FAM53A: variants seen among roughly 807,000 people sequenced by gnomAD.
FAM53A encodes family with sequence similarity 53 member A, also known as protein FAM53A.
Under a neutral mutation model 26.6 loss-of-function variants are expected in FAM53A, and 28 were observed. The observed-to-expected ratio is 1.05, with a 90% confidence interval of 0.78 to 1.45. The LOEUF is 1.45. Ranked by LOEUF, FAM53A falls within the 40% of genes most tolerant of loss-of-function variation. FAM53A has a pLI of 0.00. For missense variants in FAM53A, 650 were observed against 575.8 expected (o/e 1.13, Z -1.32); for synonymous variants, 290 against 253.1 (o/e 1.15, Z -1.38).
chr4:1,661,457 G>A (rs1713828085), intron 2 of FAM53A, among the ~76,000 whole-genome samples: 1 of 152,180 alleles, frequency 6.6e-6, no homozygotes. Context: ...ACCCAGCACA[G>A]CCAGTGCAGC....
chr4:1,652,544 C>G (rs1456546694), intron 4 of FAM53A, among the ~76,000 whole-genome samples: 1 of 147,122 alleles, frequency 6.8e-6, no homozygotes, highest in Non-Finnish European at 1.5e-5. Context: ...TACACACAGG[C>G]CACACCACAC....
chr4:1,581,894 A>AT, the FAM53A span, among the ~76,000 whole-genome samples: 12,888 of 145,274 alleles, frequency 0.089, 572 homozygotes, highest in South Asian at 0.18. Context: ...CATGCCCAGC[A>AT]TTTTTTTTTT....
At chr4:1,653,720 G>C (rs1295983378) in intron 4 of FAM53A, among the ~76,000 whole-genome samples, 2 of 152,208 alleles carry the variant, frequency 1.3e-5, no homozygotes, top group Non-Finnish European at 2.9e-5. Context: ...AAGCCCCCCG[G>C]AAGAATCAAC....
the FAM53A span, among the ~76,000 whole-genome samples, chr4:1,586,101 T>C: frequency 6.6e-6 from 1 of 152,244 alleles, no homozygotes; most frequent in Non-Finnish European, 1.5e-5. Context: ...TTTATTCATC[T>C]GTCAATGGAT....
intron 4 of FAM53A, chr4:1,644,568 C>A: frequency 2.0e-6 from 1 of 501,972 alleles, no homozygotes; most frequent in Non-Finnish European, 3.4e-6. Context: ...CTCGCGCCCC[C>A]TGTCCCTGGG....
intron 1 of FAM53A, among the ~76,000 whole-genome samples, chr4:1,674,776 C>T (rs780231197): frequency 6.6e-6 from 1 of 152,172 alleles, no homozygotes; most frequent in Non-Finnish European, 1.5e-5. Flanking sequence ...CTGGGGGATG[C>T]GATTCCACAC....
At chr4:1,609,009 G>A in the FAM53A span, among the ~76,000 whole-genome samples, 1 of 152,022 alleles carries the variant, frequency 6.6e-6, no homozygotes, top group Non-Finnish European at 1.5e-5. Context: ...ATGGGATGGC[G>A]GCTGCCGATG....
At chr4:1,619,255 G>T (rs532644924) in intron 1 of FAM53A, among the ~76,000 whole-genome samples, 2 of 152,230 alleles carry the variant, frequency 1.3e-5, no homozygotes, top group Non-Finnish European at 2.9e-5. Flanking sequence ...TGTGGCGAGC[G>T]GCCCCTTACC....
chr4:1,651,099 C>A (rs1324742166), intron 4 of FAM53A, among the ~76,000 whole-genome samples: 1 of 151,504 alleles, frequency 6.6e-6, no homozygotes. Flanking sequence ...CACCTATAAT[C>A]CCAGCTACTC....
intron 4 of FAM53A, among the ~76,000 whole-genome samples, chr4:1,647,190 G>T (rs1340842871): frequency 6.6e-6 from 1 of 152,030 alleles, no homozygotes; most frequent in East Asian, 1.9e-4. Context: ...CAAAAAATTA[G>T]CCAGGCATGG....
the FAM53A span, among the ~76,000 whole-genome samples, chr4:1,585,280 T>G: frequency 5.0e-5 from 2 of 39,902 alleles, no homozygotes; most frequent in African/African-American, 1.5e-4. Context: ...CTCTCTCTTT[T>G]TTTTTTTTTT....
At chr4:1,632,903 G>A (rs760176168) in intron 1 of FAM53A, among the ~76,000 whole-genome samples, 1 of 152,230 alleles carries the variant, frequency 6.6e-6, no homozygotes, top group Non-Finnish European at 1.5e-5. Context: ...TGCAGAAAAT[G>A]TAGGCACACA....
At chr4:1,635,614 A>T (rs1416297535), downstream of FAM53A, among the ~76,000 whole-genome samples, 1 of 152,024 alleles carries the variant, frequency 6.6e-6, no homozygotes, top group African/African-American at 2.4e-5. Context: ...GTCACTGAGG[A>T]CTGTAAATTC....
the FAM53A span, among the ~76,000 whole-genome samples, chr4:1,577,614 G>A: frequency 6.6e-6 from 1 of 152,272 alleles, no homozygotes; most frequent in East Asian, 1.9e-4. Context: ...CAGGTTCCCC[G>A]GCTGCCTGTT....
chr4:1,632,499 C>T (rs967909366), intron 1 of FAM53A, among the ~76,000 whole-genome samples: 13 of 152,192 alleles, frequency 8.5e-5, no homozygotes, highest in Non-Finnish European at 1.8e-4. Flanking sequence ...GAAGACCGAC[C>T]CACAGATGAC....
At chr4:1,585,186 G>A in the FAM53A span, among the ~76,000 whole-genome samples, 1 of 151,076 alleles carries the variant, frequency 6.6e-6, no homozygotes, top group Non-Finnish European at 1.5e-5. Flanking sequence ...ACGTTGTACA[G>A]TAGATCTCTT....
chr4:1,626,671 G>C (rs1430484819), intron 1 of FAM53A, among the ~76,000 whole-genome samples: 3 of 151,898 alleles, frequency 2.0e-5, no homozygotes, highest in Non-Finnish European at 4.4e-5. Flanking sequence ...GAGCCCGGGG[G>C]GACCCGGGGA....
intron 4 of FAM53A, among the ~76,000 whole-genome samples, chr4:1,654,229 C>G (rs1048858861): frequency 3.3e-5 from 5 of 152,232 alleles, no homozygotes; most frequent in African/African-American, 1.2e-4. Context: ...GTGCACACAG[C>G]CCACCCTACT....
At chr4:1,610,109 G>A in the FAM53A span, among the ~76,000 whole-genome samples, 1 of 150,940 alleles carries the variant, frequency 6.6e-6, no homozygotes, top group Admixed American at 6.6e-5. Flanking sequence ...CTATGCTTGT[G>A]AGCACCTATA....
Sources: gnomAD v4.1 joint callset for allele counts (sites outside exome capture counted in the v4.1 genomes callset) on GRCh38, gnomAD v4.1.1 for gene constraint, MANE v1.5 for transcripts, NCBI Gene and HGNC (gene_info 2026-07-23, HGNC 2026-07-21) for gene names.